ZNF71: variants seen among roughly 807,000 people sequenced by gnomAD.
ZNF71 encodes endothelial zinc finger protein induced by tumor necrosis factor alpha.
Under a neutral mutation model 6.7 loss-of-function variants are expected in ZNF71, and 3 were observed. The ratio of observed to expected loss-of-function variants is 0.45; its 90% CI spans 0.20 to 1.16. The LOEUF is 1.16. Among genes scored for constraint, ZNF71 ranks in the 50% most tolerant of loss-of-function variants. The pLI, the probability that ZNF71 is intolerant of heterozygous loss-of-function variation, is 0.25. For synonymous variants in ZNF71, 343 were observed against 311.1 expected (o/e 1.10, Z -1.08); for missense variants, 688 against 728.6 (o/e 0.94, Z 0.64).
intron 3 of ZNF71, among the ~76,000 whole-genome samples, chr19:56,619,605 T>C (rs1287562285): frequency 7.2e-5 from 11 of 152,022 alleles, no homozygotes; most frequent in Admixed American, 7.2e-4. Context: ...GGGCTGAAGG[T>C]GTATGTTTGA....
intron 3 of ZNF71, among the ~76,000 whole-genome samples, chr19:56,619,367 G>A (rs1325646627): frequency 6.6e-6 from 1 of 152,102 alleles, no homozygotes; most frequent in Non-Finnish European, 1.5e-5. Flanking sequence ...CTGTCTCTGG[G>A]AATCCGACCT....
rs1244748069 is a variant in ZNF71, at chr19:56,603,851, G to T, written c.33+2260G>T. Among the ~76,000 whole-genome samples, 1 of 78,656 alleles carries T rather than the reference G, an allele frequency of 1.3e-5. No individual in the cohort carries two copies. The highest frequency in any genetic ancestry group is 2.5e-5 in the Non-Finnish European group (1 of 39,226). 51.6% of individuals were successfully genotyped at this position (78,656 alleles called of 152,430 possible). A position where few individuals can be genotyped will look rare whatever the true frequency, so the allele number is the denominator to read the frequency against. ...TTTTAAAAAAAATTGAGCCTGTCTG[G>T]TTTCAGCGTTTTCCCTGTGGTGAAA... On this transcript the variant is annotated intron_variant, in intron 2 of 3. Coordinates refer to ENST00000599599, the MANE Select transcript of ZNF71 (RefSeq NM_001370215.1). The surrounding 1 kb of genome is among the most constrained non-coding windows in gnomAD (Gnocchi z 4.6).
intron 3 of ZNF71, among the ~76,000 whole-genome samples, chr19:56,620,809 T>C (rs7248103): frequency 0.23 from 34,393 of 152,170 alleles, 4,644 homozygotes; most frequent in African/African-American, 0.36. Flanking sequence ...ATTACAGGCA[T>C]GAGCCACTGT....
chr19:56,604,794 C>T (rs75617328), intron 2 of ZNF71, among the ~76,000 whole-genome samples: 12,967 of 152,216 alleles, frequency 0.085, 645 homozygotes, highest in Non-Finnish European at 0.1. Flanking sequence ...GACTAGCCAG[C>T]GGGGGTGAGG....
chr19:56,616,414 T>C (rs1312422636), intron 3 of ZNF71, among the ~76,000 whole-genome samples: 1 of 152,204 alleles, frequency 6.6e-6, no homozygotes, highest in African/African-American at 2.4e-5. Flanking sequence ...TACCAAGCAA[T>C]GTCATCCTTT....
rs1420562070 is a variant in ZNF71, at chr19:56,621,513, C to G, written c.406C>G (p.His136Asp). 5.0e-6 allele frequency: 8 copies of G among 1,614,060 alleles called. No homozygotes were observed. The highest frequency in any genetic ancestry group is 6.8e-6 in the Non-Finnish European group (8 of 1,180,038). ...KLLGGSVPAC[H>D]ELKAFANQGC... ...CTTAGGGGGCTCAGTACCCGCATGT[C>G]ATGAACTGAAGGCATTTGCCAACCA... The change falls in exon 4 of 4, where the codon CAT becomes GAT. Residue 136 changes from histidine (H) to aspartate (D), a missense_variant. His to Asp is a moderately conservative substitution (Grantham distance 81). Coordinates refer to ENST00000599599, the MANE Select transcript of ZNF71 (RefSeq NM_001370215.1).
chr19:56,595,354 C>T lies in ZNF71; in HGVS notation c.-127C>T, dbSNP rs1229217226. 1 of 152,946 alleles carries T rather than the reference C, an allele frequency of 6.5e-6. No homozygotes were observed. Among genetic ancestry groups the T allele is most frequent in the Non-Finnish European group, 1.5e-5 (1 of 68,610 alleles). 9.5% of individuals were successfully genotyped at this position (152,946 alleles called of 1,614,324 possible). A position where few individuals can be genotyped will look rare whatever the true frequency, so the allele number is the denominator to read the frequency against. ...GAGTGTGGCTGCGGGGTCGCGCCCA[C>T]CCTCTACCTGTGCCGGGGGCCGGAA... On this transcript the variant is annotated 5_prime_UTR_variant, in exon 1 of 4. Transcript: ENST00000599599.
intron 3 of ZNF71, among the ~76,000 whole-genome samples, chr19:56,619,298 C>A (rs1011680685): frequency 6.6e-6 from 1 of 152,024 alleles, no homozygotes. Flanking sequence ...GAAACCCTAT[C>A]CCCATTAAAC....
chr19:56,613,647 C>T lies in ZNF71; in HGVS notation c.34-165C>T, dbSNP rs2044768246. Among the ~76,000 whole-genome samples the T allele has an allele frequency of 1.3e-5, 2 of 152,212 alleles. No individual in the cohort carries two copies. The highest frequency in any genetic ancestry group is 2.9e-5 in the Non-Finnish European group (2 of 68,038). On this transcript the variant is annotated intron_variant, in intron 2 of 3. Transcript: ENST00000599599. The surrounding 1 kb of genome is among the most constrained non-coding windows in gnomAD (Gnocchi z 4.6). The stretch of plus-strand genomic sequence containing the variant: ...AGAGTGCCAACCCAATATAACTAGA[C>T]ACAGAGAAAACTGTGAGTGATCCCT...
chr19:56,622,489 A>G lies in ZNF71; in HGVS notation c.1382A>G (p.Gln461Arg), dbSNP rs756282381. The G allele has an allele frequency of 1.9e-6, 3 of 1,608,918 alleles. No individual in the cohort carries two copies. Among genetic ancestry groups the G allele is most frequent in the African/African-American group, 2.7e-5 (2 of 74,354 alleles). ...GGGCGCTCGTCCCTCATCGTGCACC[A>G]GATCGTGCACACCGGGGAGAAGCCC... is the stretch of plus-strand genomic sequence containing the variant. ...FTGRSSLIVH[Q>R]IVHTGEKPYV... The change falls in exon 4 of 4, where the codon CAG becomes CGG. Residue 461 changes from glutamine (Q) to arginine (R), a missense_variant. Transcript: ENST00000599599.
At chr19:56,595,804 T>C (rs1255527049) in intron 1 of ZNF71, among the ~76,000 whole-genome samples, 1 of 150,616 alleles carries the variant, frequency 6.6e-6, no homozygotes, top group East Asian at 2.0e-4. Flanking sequence ...GATTGTGTCG[T>C]CCTGAGGGTA....
rs765730216 is a variant in ZNF71, at chr19:56,621,561, C to T, written c.454C>T (p.Arg152Trp). The T allele has an allele frequency of 7.7e-5, 124 of 1,614,096 alleles. No individual in the cohort carries two copies. Among genetic ancestry groups the T allele is most frequent in the Non-Finnish European group, 1.0e-4 (119 of 1,180,034 alleles). The change falls in exon 4 of 4, where the codon CGG becomes TGG. Residue 152 changes from arginine (R) to tryptophan (W), a missense_variant. Arg to Trp is a moderately radical substitution (Grantham distance 101). Coordinates refer to ENST00000599599, the MANE Select transcript of ZNF71 (RefSeq NM_001370215.1). The stretch of plus-strand genomic sequence containing the variant: ...CCAAGGCTGTGTCCTGGTCCCACCA[C>T]GGCTGGACGACCCCACAGAAAAGGG... ...ANQGCVLVPP[R>W]LDDPTEKGAC...
chr19:56,621,409 C>G lies in ZNF71; in HGVS notation c.302C>G (p.Pro101Arg), dbSNP rs1483358156. The G allele has an allele frequency of 1.2e-6, 2 of 1,612,656 alleles. No homozygotes were observed. Among genetic ancestry groups the G allele is most frequent in the Admixed American group, 1.7e-5 (1 of 59,906 alleles). Reference protein sequence around the residue: ...RGPGSEGVWEPGSWPERPRGD... With the variant: ...RGPGSEGVWERGSWPERPRGD... ...CCTGGCTCAGAAGGAGTGTGGGAAC[C>G]AGGCAGCTGGCCAGAGAGGCCGCGG... Residue 101 changes from proline (P) to arginine (R), a missense_variant, in exon 4 of 4, where the codon CCA becomes CGA. Physicochemically the swap from Pro to Arg is moderately radical, Grantham distance 103 (BLOSUM62 -2). Transcript: ENST00000599599.
In ZNF71 at chr19:56,621,247, TTC is replaced by T. The variant is rs750171137; in HGVS notation, c.161-19_161-18del. 18 of 1,514,524 alleles carry T rather than the reference TTC, an allele frequency of 1.2e-5. No homozygotes were observed. In the African/African-American group the frequency reaches 2.5e-4, roughly 21 times the overall value. 93.8% of individuals were successfully genotyped at this position (1,514,524 alleles called of 1,614,324 possible). A position where few individuals can be genotyped will look rare whatever the true frequency, so the allele number is the denominator to read the frequency against. On this transcript the variant is annotated intron_variant, in intron 3 of 3. Transcript: ENST00000599599. ...ATCTTTAACTACATGTATTTGCATCTTCTGTTTTTGTTTTTTTCAGACTGGGA... is the reference window on the plus strand; with the variant it reads ...ATCTTTAACTACATGTATTTGCATCTTGTTTTTGTTTTTTTCAGACTGGGA...
intron 1 of ZNF71, among the ~76,000 whole-genome samples, chr19:56,600,856 C>A (rs2044665380): frequency 6.6e-6 from 1 of 152,152 alleles, no homozygotes; most frequent in Admixed American, 6.5e-5. Flanking sequence ...AGATGCATTT[C>A]TCTAGGCGAA....
rs1440423369 is a variant in ZNF71, at chr19:56,621,875, C to T, written c.768C>T (p.Ser256=). ...YACGDCGKAF[S]QRMNLTVHQR... ...GCGGGGACTGCGGCAAGGCCTTCAG[C>T]CAGCGCATGAACCTCACTGTGCACC... Residue 256 remains serine, a synonymous_variant, in exon 4 of 4, where the codon AGC becomes AGT. Transcript: ENST00000599599. 1.2e-6 allele frequency: 2 copies of T among 1,612,014 alleles called. No individual in the cohort carries two copies. Among genetic ancestry groups the T allele is most frequent in the Admixed American group, 1.7e-5 (1 of 60,018 alleles).
At chr19:56,601,421 G>T (rs2044669904) in intron 1 of ZNF71, 86 bp from the exon 2 acceptor site, 1 of 300,496 alleles carries the variant, frequency 3.3e-6, no homozygotes, top group Non-Finnish European at 4.6e-6. Flanking sequence ...TTGTCTCTCA[G>T]TGGGTGTGTG....
Position 56,621,116 on chromosome 19 carries a change from C to T in ZNF71, c.161-152C>T, listed in dbSNP as rs368784825. Among the ~76,000 whole-genome samples, 43 of 152,340 alleles carry T rather than the reference C, an allele frequency of 2.8e-4. No homozygotes were observed. The East Asian group carries it at 4.4e-3, about 16-fold the overall frequency. On this transcript the variant is annotated intron_variant, in intron 3 of 3. Transcript: ENST00000599599. ...CAGTTCCATGCCTCCCTCCTCCCTC[C>T]CTCTCTGATCCAAGGTTCTTCTTTG... is the stretch of plus-strand genomic sequence containing the variant.
intron 2 of ZNF71, among the ~76,000 whole-genome samples, chr19:56,608,787 G>A (rs142208585): frequency 8.3e-4 from 127 of 152,256 alleles, no homozygotes; most frequent in African/African-American, 2.4e-3. Flanking sequence ...TACAGCTGCT[G>A]TTCACATTTT....
Sources: allele counts gnomAD v4.1 joint callset (sites outside exome capture counted in the v4.1 genomes callset), GRCh38; gene constraint gnomAD v4.1.1; non-coding constraint Gnocchi (gnomAD v3.1); transcripts MANE v1.5; gene names NCBI Gene and HGNC (gene_info 2026-07-23, HGNC 2026-07-21).